RBFOX1: variants seen among roughly 807,000 people sequenced by gnomAD.
RBFOX1 encodes RNA binding fox-1 homolog 1.
Under a neutral mutation model 57.7 loss-of-function variants are expected in RBFOX1, and 8 were observed. That is an observed-to-expected ratio of 0.14 (90% CI 0.08 to 0.25). The LOEUF is 0.25. RBFOX1 is among the 10% of genes least tolerant of loss of function. The pLI is 1.00. For missense variants in RBFOX1, 611 were observed against 548.5 expected, an observed-to-expected ratio of 1.11 and a Z score of -1.14; for synonymous variants, 326 against 222.4, an observed-to-expected ratio of 1.47 and a Z score of -4.15.
chr16:6,525,260 A>G (rs936480087), intron 2 of RBFOX1, among the ~76,000 whole-genome samples: 6 of 152,214 alleles, frequency 3.9e-5, no homozygotes, highest in African/African-American at 7.2e-5. Context: ...TGGCACTCAG[A>G]GAACCACTGC....
At chr16:7,034,323 C>T (rs746327600) in intron 3 of RBFOX1, among the ~76,000 whole-genome samples, 2 of 152,062 alleles carry the variant, frequency 1.3e-5, no homozygotes, top group East Asian at 1.9e-4. Flanking sequence ...AGGATGAAGG[C>T]AGAAAGCTAG....
At chr16:6,394,297 A>G (rs1410793938) in intron 2 of RBFOX1, among the ~76,000 whole-genome samples, 2 of 152,246 alleles carry the variant, frequency 1.3e-5, no homozygotes, top group African/African-American at 2.4e-5. Flanking sequence ...GTGGAGATTA[A>G]TTAGTTTCTG....
intron 2 of RBFOX1, among the ~76,000 whole-genome samples, chr16:6,462,667 T>A (rs139053120): frequency 0.012 from 1,763 of 152,250 alleles, 20 homozygotes; most frequent in Non-Finnish European, 0.018. Flanking sequence ...ACCAATTTTT[T>A]AATTTCAACA....
intron 1 of RBFOX1, among the ~76,000 whole-genome samples, chr16:5,438,735 T>G (rs1013938268): frequency 1.3e-5 from 2 of 152,278 alleles, no homozygotes; most frequent in East Asian, 3.9e-4. Context: ...GCAGTGTCCT[T>G]CTACCCTGGC....
chr16:6,887,079 C>T (rs1173792778), intron 3 of RBFOX1, among the ~76,000 whole-genome samples: 3 of 152,094 alleles, frequency 2.0e-5, no homozygotes, highest in Non-Finnish European at 4.4e-5. Flanking sequence ...TGGATTTTCC[C>T]TGCAGCTTCA....
intron 2 of RBFOX1, among the ~76,000 whole-genome samples, chr16:6,618,330 A>C (rs930615098): frequency 2.0e-5 from 3 of 152,242 alleles, no homozygotes; most frequent in Non-Finnish European, 4.4e-5. Context: ...CTTAAAACGC[A>C]GTTTCAAGCC....
chr16:7,483,965 C>T (rs72773021), intron 4 of RBFOX1, among the ~76,000 whole-genome samples: 28 of 152,308 alleles, frequency 1.8e-4, no homozygotes, highest in Non-Finnish European at 1.5e-4. Flanking sequence ...GTTCCTTGAC[C>T]TTAAGTTTCC....
intron 2 of RBFOX1, among the ~76,000 whole-genome samples, chr16:6,385,968 C>G (rs1210893410): frequency 6.7e-6 from 1 of 148,532 alleles, no homozygotes; most frequent in Non-Finnish European, 1.5e-5. Context: ...TGGAGTCTTG[C>G]TCTGTCGCCC....
At chr16:6,677,245 C>A (rs1361325909) in intron 3 of RBFOX1, among the ~76,000 whole-genome samples, 3 of 152,082 alleles carry the variant, frequency 2.0e-5, no homozygotes, top group Non-Finnish European at 4.4e-5. Context: ...CTCTAGAGAC[C>A]ATAGATAATT....
intron 3 of RBFOX1, among the ~76,000 whole-genome samples, chr16:6,926,282 G>C (rs772070302): frequency 1.2e-4 from 18 of 152,050 alleles, no homozygotes; most frequent in Non-Finnish European, 2.4e-4. Flanking sequence ...GCTACAGCCT[G>C]GGCAACAGAG....
chr16:6,633,051 T>G lies in RBFOX1; in HGVS notation c.-63-21552T>G, dbSNP rs1216614176. ...AAATACTTGATGTGTTTTCCTGGAG[T>G]TGAGCTGGCTTCTTCCTGGGACATG... On this transcript the variant is annotated intron_variant, in intron 2 of 15. Transcript: ENST00000550418. 2.6e-5 allele frequency among the ~76,000 whole-genome samples: 4 copies of G among 152,216 alleles called. No individual in the cohort carries two copies. The East Asian group carries it at 5.8e-4, about 22-fold the overall frequency.
chr16:6,510,870 A>G (rs1040377287), intron 2 of RBFOX1, among the ~76,000 whole-genome samples: 1 of 150,868 alleles, frequency 6.6e-6, no homozygotes, highest in East Asian at 1.9e-4. Context: ...AAAAAAAAGG[A>G]AAAAAAGGTA....
At chr16:7,380,080 A>G (rs1362644591) in intron 4 of RBFOX1, among the ~76,000 whole-genome samples, 1 of 151,948 alleles carries the variant, frequency 6.6e-6, no homozygotes, top group Non-Finnish European at 1.5e-5. Flanking sequence ...CTGGTCTGGA[A>G]CTCTTGGCCT....
chr16:5,387,618 C>T (rs930685922), intron 1 of RBFOX1, among the ~76,000 whole-genome samples: 2 of 152,182 alleles, frequency 1.3e-5, no homozygotes, highest in African/African-American at 4.8e-5. Flanking sequence ...ACGGCCACAC[C>T]TATTGGCAAG....
rs1555514875 is a variant in RBFOX1 at position 5,424,974 on chromosome 16, C to CTTTCTTTCTTTCT, written c.220-42235_220-42234insCTTTCTTTTCTTT. Among the ~76,000 whole-genome samples, 20 of 70,682 alleles carry CTTTCTTTCTTTCT rather than the reference C, an allele frequency of 2.8e-4. 2 individuals carry two copies. The highest frequency in any genetic ancestry group is 1.2e-3 in the African/African-American group (20 of 16,528). 46.4% of individuals were successfully genotyped at this position (70,682 alleles called of 152,430 possible). A position where few individuals can be genotyped will look rare whatever the true frequency, so the allele number is the denominator to read the frequency against. On this transcript the variant is annotated intron_variant, in intron 1 of 2. Transcript: ENST00000585867. ...TTCCTTTGTTTCTTTCTCTTTCTTT[C>CTTTCTTTCTTTCT]TTTCTTTTCTTTTCTTTTCTTTTCT... is the stretch of plus-strand genomic sequence containing the variant.
In RBFOX1 at chr16:7,093,530, G is replaced by C. The variant is rs904226026; in HGVS notation, c.27+41432G>C. On this transcript the variant is annotated intron_variant, in intron 4 of 15. Transcript: ENST00000550418. ...TAAGTCAGAGGTACCCACTTATCCA[G>C]ATACTCTTCAGGCAGAGGAATGATG... 2.0e-5 allele frequency among the ~76,000 whole-genome samples: 3 copies of C among 152,294 alleles called. No homozygotes were observed. In the South Asian group the frequency reaches 6.2e-4, roughly 32 times the overall value.
intron 1 of RBFOX1, among the ~76,000 whole-genome samples, chr16:6,212,236 T>A (rs1544634): frequency 1.3e-5 from 2 of 152,038 alleles, no homozygotes; most frequent in African/African-American, 2.4e-5. Flanking sequence ...TGTTAATTGG[T>A]GAAAAAAGTT....
At chr16:6,652,882 T>TA (rs2098608036) in intron 2 of RBFOX1, among the ~76,000 whole-genome samples, 1 of 152,230 alleles carries the variant, frequency 6.6e-6, no homozygotes, top group African/African-American at 2.4e-5. Flanking sequence ...ACTGTGCACC[T>TA]ACCATGGTAA....
Position 7,455,416 on chromosome 16 carries a change from T to C in RBFOX1, c.28-62731T>C, listed in dbSNP as rs114478025. Among the ~76,000 whole-genome samples, 865 of 152,248 alleles carry C rather than the reference T, an allele frequency of 5.7e-3. 9 individuals are homozygous for C. The highest frequency in any genetic ancestry group is 0.02 in the African/African-American group (827 of 41,538). On this transcript the variant is annotated intron_variant, in intron 4 of 15. Transcript: ENST00000550418. ...CAGCCTTACTCTCCATGCAAGAATA[T>C]AACAGCTCCCAGAGTTGTTTGCAAG...
Sources: gnomAD v4.1 joint callset for allele counts (sites outside exome capture counted in the v4.1 genomes callset) on GRCh38, gnomAD v4.1.1 for gene constraint, MANE v1.5 for transcripts, NCBI Gene and HGNC (gene_info 2026-07-23, HGNC 2026-07-21) for gene names.